The following SNX29 variants were observed in gnomAD, a reference collection of about 807,000 sequenced individuals.
SNX29 encodes sorting nexin-29.
SNX29 carries 78 observed loss-of-function variants against 102.1 expected under a neutral mutation model. The ratio of observed to expected loss-of-function variants is 0.76; its 90% CI spans 0.64 to 0.92. The LOEUF (loss-of-function observed/expected upper bound fraction) is 0.92, where lower values mean the gene tolerates loss of function less well. SNX29 is among the 40% of genes least tolerant of loss of function. SNX29 has a pLI of 0.00. For missense variants in SNX29, 1,280 were observed against 1,061.7 expected, an observed-to-expected ratio of 1.21 and a Z score of -2.86; for synonymous variants, 580 against 414.5, an observed-to-expected ratio of 1.40 and a Z score of -4.85.
intron 15 of SNX29, among the ~76,000 whole-genome samples, chr16:12,287,027 G>A (rs2079620193): frequency 6.6e-6 from 1 of 152,144 alleles, no homozygotes; most frequent in Non-Finnish European, 1.5e-5. Flanking sequence ...CTTTTAGGGG[G>A]CCCCTGGCTC....
At chr16:12,530,180 G>A (rs77029583) in intron 20 of SNX29, among the ~76,000 whole-genome samples, 7 of 152,316 alleles carry the variant, frequency 4.6e-5, no homozygotes, top group East Asian at 1.9e-4. Context: ...TAGAAAGTGC[G>A]GTGTTGATTT....
At chr16:12,461,143 G>T (rs577003694) in intron 18 of SNX29, among the ~76,000 whole-genome samples, 1 of 152,182 alleles carries the variant, frequency 6.6e-6, no homozygotes, top group Non-Finnish European at 1.5e-5. Context: ...TACAACTAAT[G>T]AGAATATGAA....
At chr16:12,561,851 G>C (rs2078742987) in intron 20 of SNX29, among the ~76,000 whole-genome samples, 1 of 152,174 alleles carries the variant, frequency 6.6e-6, no homozygotes, top group South Asian at 2.1e-4. Flanking sequence ...AGGGGAGGCA[G>C]TGCCCTGGGG....
chr16:12,544,941 G>T (rs2077519414), intron 20 of SNX29, among the ~76,000 whole-genome samples: 1 of 152,226 alleles, frequency 6.6e-6, no homozygotes, highest in Admixed American at 6.5e-5. Flanking sequence ...CTTGTTCACT[G>T]TATTTCCAGA....
chr16:12,216,221 G>A (rs2077319797), intron 14 of SNX29, among the ~76,000 whole-genome samples: 1 of 152,172 alleles, frequency 6.6e-6, no homozygotes, highest in African/African-American at 2.4e-5. Flanking sequence ...AAACCCTCAA[G>A]CACTGTTAAT....
chr16:12,573,402 A>G lies in SNX29; in HGVS notation c.*4773A>G, dbSNP rs1302750026. On this transcript the variant is annotated 3_prime_UTR_variant, in exon 21 of 21. Coordinates refer to ENST00000566228, the MANE Select transcript of SNX29 (RefSeq NM_032167.5). ...ATCCTTCCTTATAGCTAGTTTCTATAGAGAAGTGAAAAAGAAATCTGGCTT... is the reference window on the plus strand; with the variant it reads ...ATCCTTCCTTATAGCTAGTTTCTATGGAGAAGTGAAAAAGAAATCTGGCTT... The G allele has an allele frequency of 1.8e-5, 4 of 224,162 alleles. No homozygotes were observed. Among genetic ancestry groups the G allele is most frequent in the South Asian group, 1.8e-4 (1 of 5,454 alleles). The allele number at this position is 224,162 out of a possible 1,614,324, so 13.9% of individuals were successfully genotyped here. A position where few individuals can be genotyped will look rare whatever the true frequency, so the allele number is the denominator to read the frequency against.
chr16:12,130,613 T>A (rs1316158932), intron 13 of SNX29, among the ~76,000 whole-genome samples: 5 of 152,114 alleles, frequency 3.3e-5, no homozygotes, highest in Non-Finnish European at 5.9e-5. Context: ...AGTCCCCTTC[T>A]CTTATCCCAG....
At chr16:12,474,820 C>A (rs1409998487) in intron 18 of SNX29, among the ~76,000 whole-genome samples, 3 of 152,132 alleles carry the variant, frequency 2.0e-5, no homozygotes, top group Non-Finnish European at 4.4e-5. Flanking sequence ...TGCTGTGTAT[C>A]CTTGGAAGGT....
At chr16:12,172,013 TTAG>T (rs1466128794) in intron 13 of SNX29, among the ~76,000 whole-genome samples, 1 of 152,222 alleles carries the variant, frequency 6.6e-6, no homozygotes, top group Admixed American at 6.5e-5. Context: ...CTGCTGCTTA[TTAG>T]TGGTGGTGTT....
chr16:12,259,894 C>G (rs1194785042), intron 14 of SNX29, among the ~76,000 whole-genome samples: 1 of 152,076 alleles, frequency 6.6e-6, no homozygotes, highest in Non-Finnish European at 1.5e-5. Flanking sequence ...CTCAGATCAC[C>G]GCCACATCCA....
intron 18 of SNX29, among the ~76,000 whole-genome samples, chr16:12,417,553 C>G (rs1323384496): frequency 2.0e-5 from 3 of 152,000 alleles, no homozygotes; most frequent in African/African-American, 7.3e-5. Flanking sequence ...TTTTCCTTTT[C>G]TCTTTCTGTT....
intron 20 of SNX29, chr16:12,546,649 C>G (rs186038143): frequency 1.3e-5 from 2 of 152,124 alleles, no homozygotes; most frequent in Non-Finnish European, 2.9e-5. Flanking sequence ...TAAACAATTA[C>G]CAAGAAGAGT....
chr16:12,542,448 C>G (rs1295168298), intron 20 of SNX29, among the ~76,000 whole-genome samples: 3 of 152,220 alleles, frequency 2.0e-5, no homozygotes, highest in Non-Finnish European at 2.9e-5. Context: ...TTTGTTTCCT[C>G]AGCTTCCCAA....
At chr16:12,489,151 T>G (rs564870682) in intron 19 of SNX29, among the ~76,000 whole-genome samples, 1 of 152,328 alleles carries the variant, frequency 6.6e-6, no homozygotes, top group South Asian at 2.1e-4. Context: ...CTTACCCTTT[T>G]GAGTAGTTGG....
chr16:11,980,230 T>C (rs1161280558), intron 1 of SNX29, among the ~76,000 whole-genome samples: 1 of 152,194 alleles, frequency 6.6e-6, no homozygotes, highest in African/African-American at 2.4e-5. Flanking sequence ...GATGTGCCTG[T>C]TGTGGGTATT....
At chr16:12,457,822 T>A (rs189861396) in intron 18 of SNX29, among the ~76,000 whole-genome samples, 83 of 152,272 alleles carry the variant, frequency 5.5e-4, no homozygotes, top group African/African-American at 1.9e-3. Context: ...AATGAGTACA[T>A]TGGGTAAATT....
intron 15 of SNX29, among the ~76,000 whole-genome samples, chr16:12,329,216 G>A (rs566043219): frequency 7.0e-6 from 1 of 143,666 alleles, no homozygotes; most frequent in African/African-American, 2.6e-5. Flanking sequence ...GTTCAAGGCT[G>A]CAGTGAGCTA....
intron 13 of SNX29, among the ~76,000 whole-genome samples, chr16:12,188,831 C>G (rs1297470276): frequency 6.6e-6 from 1 of 152,180 alleles, no homozygotes; most frequent in Non-Finnish European, 1.5e-5. Flanking sequence ...TGCAGACATC[C>G]TGGAATTTGA....
intron 9 of SNX29, among the ~76,000 whole-genome samples, chr16:12,063,689 C>G (rs993216402): frequency 2.0e-5 from 3 of 151,816 alleles, no homozygotes; most frequent in Non-Finnish European, 4.4e-5. Flanking sequence ...TTTTCTAGTC[C>G]GTCTTTGCTC....
Sources: allele counts gnomAD v4.1 joint callset (sites outside exome capture counted in the v4.1 genomes callset), GRCh38; gene constraint gnomAD v4.1.1; transcripts MANE v1.5; gene names NCBI Gene and HGNC (gene_info 2026-07-23, HGNC 2026-07-21).